Variants in TRAPPC9 observed in about 807,000 individuals in gnomAD.
The protein encoded by TRAPPC9 is trafficking protein particle complex subunit 9.
A neutral mutation model predicts 124.0 loss-of-function variants in TRAPPC9; 83 were observed. That is an observed-to-expected ratio of 0.67 (90% CI 0.56 to 0.80). The LOEUF (loss-of-function observed/expected upper bound fraction) is 0.80. TRAPPC9 is among the 30% of genes least tolerant of loss of function. The probability of loss-of-function intolerance (pLI) is 0.00; values close to 1 mark genes in which losing one functional copy is unlikely to be tolerated. For synonymous variants in TRAPPC9, 638 were observed against 617.5 expected (o/e 1.03, Z -0.49); for missense variants, 1,302 against 1,508.3 (o/e 0.86, Z 2.27).
chr8:140,393,312 G>A (rs2068986451), intron 7 of TRAPPC9, among the ~76,000 whole-genome samples: 1 of 152,082 alleles, frequency 6.6e-6, no homozygotes, highest in South Asian at 2.1e-4. Flanking sequence ...GTGAGGAAAT[G>A]GCAACTTCAA....
At chr8:139,966,902 T>C (rs938930235) in intron 19 of TRAPPC9, among the ~76,000 whole-genome samples, 1 of 151,940 alleles carries the variant, frequency 6.6e-6, no homozygotes, top group South Asian at 2.1e-4. Flanking sequence ...GGAATGAAAA[T>C]AGAAAAGAAT....
At chr8:140,272,253 T>A in intron 15 of TRAPPC9, among the ~76,000 whole-genome samples, 1 of 138,868 alleles carries the variant, frequency 7.2e-6, no homozygotes, top group African/African-American at 2.7e-5. Flanking sequence ...GGGGTGGGGG[T>A]TGGGGTGGTG....
chr8:139,967,595 C>G (rs73725347), intron 19 of TRAPPC9, among the ~76,000 whole-genome samples: 3,431 of 152,306 alleles, frequency 0.023, 119 homozygotes, highest in African/African-American at 0.077. Flanking sequence ...AGGACATGTG[C>G]ACAGAGTGCT....
intron 21 of TRAPPC9, among the ~76,000 whole-genome samples, chr8:139,875,124 TAGA>T (rs1041137708): frequency 1.3e-5 from 2 of 151,974 alleles, no homozygotes; most frequent in Admixed American, 6.5e-5. Flanking sequence ...TGCAGCTAAA[TAGA>T]AGATTGAGGA....
chr8:139,888,996 C>G (rs764396500), intron 20 of TRAPPC9, among the ~76,000 whole-genome samples: 26 of 152,166 alleles, frequency 1.7e-4, no homozygotes, highest in Non-Finnish European at 1.5e-4. Flanking sequence ...ATTTGCAAAC[C>G]CACGTTCACT....
chr8:139,803,482 C>CA (rs1445382269), intron 21 of TRAPPC9, among the ~76,000 whole-genome samples: 2 of 152,240 alleles, frequency 1.3e-5, no homozygotes, highest in Non-Finnish European at 2.9e-5. Flanking sequence ...AGTGCAACTG[C>CA]AGGGAAGCCT....
intron 21 of TRAPPC9, among the ~76,000 whole-genome samples, chr8:139,795,151 C>T (rs1822962376): frequency 1.3e-5 from 2 of 152,218 alleles, no homozygotes; most frequent in Non-Finnish European, 2.9e-5. Flanking sequence ...ACTGCCAGCC[C>T]AGGTCCCCCA....
intron 21 of TRAPPC9, among the ~76,000 whole-genome samples, chr8:139,815,595 T>A (rs1324308092): frequency 6.6e-6 from 1 of 152,174 alleles, no homozygotes; most frequent in Non-Finnish European, 1.5e-5. Flanking sequence ...TTTCACCATG[T>A]TGGCCAGGCT....
At chr8:140,278,849 C>T (rs1006135959) in intron 14 of TRAPPC9, among the ~76,000 whole-genome samples, 1 of 152,248 alleles carries the variant, frequency 6.6e-6, no homozygotes, top group Non-Finnish European at 1.5e-5. Context: ...CGCGTCTCCT[C>T]GGCAGAGGCC....
In TRAPPC9 at chr8:140,256,144, A is replaced by G. The variant is rs1031320762; in HGVS notation, c.2279-3215T>C. On this transcript the variant is annotated intron_variant, in intron 15 of 22. Transcript: ENST00000438773. The stretch of plus-strand genomic sequence containing the variant: ...GGTCGCTTTGGTATTTCATGATGAC[A>G]ACAGGCTACTGAATTCTCTGTCTGG... 4.5e-4 allele frequency among the ~76,000 whole-genome samples: 68 copies of G among 152,388 alleles called. 1 individual carries two copies. The highest frequency in any genetic ancestry group is 1.6e-3 in the African/African-American group (66 of 41,600).
intron 21 of TRAPPC9, among the ~76,000 whole-genome samples, chr8:139,762,816 C>G (rs915700085): frequency 6.6e-6 from 1 of 152,214 alleles, no homozygotes; most frequent in African/African-American, 2.4e-5. Context: ...GCTGCGGGAC[C>G]TTCAGCCTCT....
At chr8:140,342,686 G>A (rs1245228776) in intron 9 of TRAPPC9, among the ~76,000 whole-genome samples, 4 of 151,958 alleles carry the variant, frequency 2.6e-5, no homozygotes, top group Admixed American at 6.6e-5. Context: ...ATAGCAAATC[G>A]AAGGTCCAAA....
intron 2 of TRAPPC9, among the ~76,000 whole-genome samples, chr8:140,440,278 C>G (rs888357425): frequency 6.6e-6 from 1 of 152,076 alleles, no homozygotes; most frequent in Non-Finnish European, 1.5e-5. Context: ...GAGACCGAGG[C>G]GGGCGGATCA....
intron 19 of TRAPPC9, among the ~76,000 whole-genome samples, chr8:139,923,256 G>T (rs944586262): frequency 6.6e-6 from 1 of 152,150 alleles, no homozygotes; most frequent in African/African-American, 2.4e-5. Flanking sequence ...AATCTTTTTC[G>T]ACAGAAATCT....
At chr8:140,333,683 G>A (rs111963193) in intron 9 of TRAPPC9, among the ~76,000 whole-genome samples, 1 of 152,198 alleles carries the variant, frequency 6.6e-6, no homozygotes, top group African/African-American at 2.4e-5. Flanking sequence ...AAGCCACCGC[G>A]CCTGGCCATA....
At chr8:140,412,750 A>G (rs1407939287) in intron 5 of TRAPPC9, among the ~76,000 whole-genome samples, 1 of 152,252 alleles carries the variant, frequency 6.6e-6, no homozygotes, top group African/African-American at 2.4e-5. Flanking sequence ...TTTCAAAATC[A>G]ACAGTTTAAA....
chr8:139,862,240 G>T (rs887149858), intron 21 of TRAPPC9, among the ~76,000 whole-genome samples: 1 of 152,230 alleles, frequency 6.6e-6, no homozygotes, highest in Non-Finnish European at 1.5e-5. Context: ...TTCACAAAAG[G>T]GCTGCTGCCT....
chr8:139,777,399 GT>G (rs776928947), intron 21 of TRAPPC9, among the ~76,000 whole-genome samples: 36 of 152,224 alleles, frequency 2.4e-4, no homozygotes, highest in Non-Finnish European at 4.1e-4. Flanking sequence ...GGAACAGAGC[GT>G]GCCTGTTTAC....
chr8:140,366,252 T>C (rs2068105065), intron 8 of TRAPPC9, among the ~76,000 whole-genome samples: 2 of 152,198 alleles, frequency 1.3e-5, no homozygotes, highest in African/African-American at 2.4e-5. Flanking sequence ...GTCTTTATAA[T>C]AGAATGATTT....
Sources: allele counts gnomAD v4.1 joint callset (sites outside exome capture counted in the v4.1 genomes callset), GRCh38; gene constraint gnomAD v4.1.1; transcripts MANE v1.5; gene names NCBI Gene and HGNC (gene_info 2026-07-23, HGNC 2026-07-21).